The following TBC1D4 variants were observed in gnomAD, a reference collection of about 807,000 sequenced individuals.
TBC1D4 encodes the protein TBC (Tre-2, BUB2, CDC16) domain-containing protein.
In TBC1D4, 121 loss-of-function variants were observed where a neutral mutation model predicts 142.5. The observed-to-expected ratio is 0.85, with a 90% CI of 0.73 to 0.99. The LOEUF is 0.99. TBC1D4 is among the 50% of genes least tolerant of loss of function. The probability of loss-of-function intolerance (pLI) is 0.00; values close to 1 mark genes in which losing one functional copy is unlikely to be tolerated. For synonymous variants in TBC1D4, 630 were observed against 628.2 expected (o/e 1.00, Z -0.04); for missense variants, 1,475 against 1,606.6 (o/e 0.92, Z 1.40).
At chr13:75,300,774 C>A (rs1264715977) in intron 16 of TBC1D4, among the ~76,000 whole-genome samples, 1 of 152,140 alleles carries the variant, frequency 6.6e-6, no homozygotes, top group Non-Finnish European at 1.5e-5. Flanking sequence ...AATAGGACAT[C>A]GTGACTAACC....
intron 17 of TBC1D4, among the ~76,000 whole-genome samples, chr13:75,295,841 T>C (rs1485704884): frequency 6.6e-6 from 1 of 152,198 alleles, no homozygotes; most frequent in Non-Finnish European, 1.5e-5. Context: ...GGTTCCCTGA[T>C]CAGTTATATT....
At chr13:75,308,057 T>A (rs1219130877) in intron 14 of TBC1D4, among the ~76,000 whole-genome samples, 1 of 152,226 alleles carries the variant, frequency 6.6e-6, no homozygotes, top group Non-Finnish European at 1.5e-5. Context: ...CCGCACACCC[T>A]GAGGATAAAA....
At chr13:75,408,556 G>C (rs1200231734) in intron 1 of TBC1D4, among the ~76,000 whole-genome samples, 1 of 152,206 alleles carries the variant, frequency 6.6e-6, no homozygotes, top group Non-Finnish European at 1.5e-5. Context: ...TTTGTAGAGA[G>C]TTACGTTTTC....
At position 75,335,785 on chromosome 13, in the gene TBC1D4, G is replaced by A. The variant is rs556049436; in HGVS notation, c.1731+1136C>T. Among the ~76,000 whole-genome samples the A allele has an allele frequency of 4.0e-3, 612 of 152,226 alleles. 6 individuals are homozygous for A. Among genetic ancestry groups the A allele is most frequent in the South Asian group, 8.3e-3 (40 of 4,818 alleles). ...CCACCATGATTGGAAGCTTCCTGAG[G>A]TCTCTCCAGAAGCAGAAGCCACTAT... On this transcript the variant is annotated intron_variant, in intron 8 of 20. Coordinates refer to ENST00000377636, the MANE Select transcript of TBC1D4 (RefSeq NM_014832.5).
chr13:75,432,618 A>G (rs890739630), intron 1 of TBC1D4, among the ~76,000 whole-genome samples: 1 of 152,230 alleles, frequency 6.6e-6, no homozygotes, highest in African/African-American at 2.4e-5. Context: ...AGCAATTTAG[A>G]ATGTATAGTT....
chr13:75,360,664 C>T lies in TBC1D4; in HGVS notation c.1081-806G>A, dbSNP rs9600459. ...TGAGCTCAGAAAGCAAATCTGATGCCTTCATGATATGGAGCCACATTTGTG... is the reference window on the plus strand; with the variant it reads ...TGAGCTCAGAAAGCAAATCTGATGCTTTCATGATATGGAGCCACATTTGTG... On this transcript the variant is annotated intron_variant, in intron 2 of 20. Coordinates refer to ENST00000377636, the MANE Select transcript of TBC1D4 (RefSeq NM_014832.5). Among the ~76,000 whole-genome samples the T allele has an allele frequency of 6.3e-3, 958 of 152,184 alleles. 17 individuals carry two copies. The highest frequency in any genetic ancestry group is 0.021 in the African/African-American group (865 of 41,506).
At chr13:75,448,343 A>C (rs1181811288) in intron 1 of TBC1D4, among the ~76,000 whole-genome samples, 1 of 152,096 alleles carries the variant, frequency 6.6e-6, no homozygotes, top group East Asian at 1.9e-4. Context: ...CAAGGTGGGC[A>C]GATCACCTGA....
chr13:75,299,515 G>A lies in TBC1D4; in HGVS notation c.2971C>T (p.Leu991=), dbSNP rs1469720379. ...SVQLGPGQLS[L]FNLLKAYSLL... is the part of the protein sequence containing the mutation. ...GAATAGGCTTTCAGGAGGTTAAACAGTGACAGCTGTCCTGGCCCAAGCTGT... is the reference window on the plus strand; with the variant it reads ...GAATAGGCTTTCAGGAGGTTAAACAATGACAGCTGTCCTGGCCCAAGCTGT... Residue 991 remains leucine (L), a synonymous_variant, in exon 17 of 21, where the codon CTG becomes TTG. Transcript: ENST00000377636. 2 of 1,614,202 alleles carry A rather than the reference G, an allele frequency of 1.2e-6. No individual in the cohort carries two copies. The highest frequency in any genetic ancestry group is 1.7e-6 in the Non-Finnish European group (2 of 1,180,028).
At chr13:75,451,065 C>T (rs1887512278) in intron 1 of TBC1D4, among the ~76,000 whole-genome samples, 1 of 152,118 alleles carries the variant, frequency 6.6e-6, no homozygotes. Flanking sequence ...TTATTAGGTG[C>T]CTGCAAAATT....
chr13:75,425,934 C>T (rs557431199), intron 1 of TBC1D4, among the ~76,000 whole-genome samples: 9 of 152,074 alleles, frequency 5.9e-5, no homozygotes, highest in East Asian at 1.9e-4. Context: ...ATTATATACT[C>T]GAAGTCTTTG....
At chr13:75,350,398 A>C (rs897962846) in intron 4 of TBC1D4, among the ~76,000 whole-genome samples, 2 of 152,222 alleles carry the variant, frequency 1.3e-5, no homozygotes, top group Middle Eastern at 3.2e-3. Flanking sequence ...GAAAGAAGAG[A>C]TCAAACACCA....
chr13:75,309,313 G>C (rs1316750319), intron 14 of TBC1D4, among the ~76,000 whole-genome samples: 1 of 151,812 alleles, frequency 6.6e-6, no homozygotes, highest in East Asian at 1.9e-4. Context: ...TAGCAATAAG[G>C]CACCACAAAC....
chr13:75,466,745 C>T (rs971988003), intron 1 of TBC1D4, among the ~76,000 whole-genome samples: 12 of 152,084 alleles, frequency 7.9e-5, no homozygotes, highest in African/African-American at 2.9e-4. Context: ...GTGGTGCATG[C>T]CTGTAACCCA....
At chr13:75,469,837 T>C (rs1333281421) in intron 1 of TBC1D4, among the ~76,000 whole-genome samples, 1 of 152,158 alleles carries the variant, frequency 6.6e-6, no homozygotes, top group East Asian at 1.9e-4. Context: ...ATGATTGAAA[T>C]TGGTGAGTGA....
intron 1 of TBC1D4, among the ~76,000 whole-genome samples, chr13:75,385,359 G>C (rs546945618): frequency 1.3e-5 from 2 of 152,292 alleles, no homozygotes; most frequent in Admixed American, 1.3e-4. Flanking sequence ...ACTAACCAAT[G>C]AATAAGCAAG....
At position 75,324,259 on chromosome 13, in the gene TBC1D4, G is replaced by C. The variant is rs746752796; in HGVS notation, c.2176C>G (p.Pro726Ala). ...CACCTGATTTCATTTTCATACTGTG[G>C]GGACAGTCTACCTGAATTCTGGTAA... Reference protein sequence around the residue: ...SFYQNSGRLSPQYENEIRQDT... With the variant: ...SFYQNSGRLSAQYENEIRQDT... The change falls in exon 11 of 21, where the codon CCA becomes GCA. Residue 726 changes from proline (P) to alanine (A), a missense_variant. Transcript: ENST00000377636. The C allele has an allele frequency of 3.1e-6, 5 of 1,613,684 alleles. No individual in the cohort carries two copies. The South Asian group carries it at 3.3e-5, about 11-fold the overall frequency.
intron 1 of TBC1D4, among the ~76,000 whole-genome samples, chr13:75,379,308 C>T (rs900796830): frequency 6.6e-6 from 1 of 151,968 alleles, no homozygotes; most frequent in African/African-American, 2.4e-5. Context: ...TAAAAAAGTA[C>T]ATCTCTAGTG....
chr13:75,379,887 CTTTTTT>C (rs750734086), intron 1 of TBC1D4, among the ~76,000 whole-genome samples: 47 of 98,622 alleles, frequency 4.8e-4, no homozygotes, highest in African/African-American at 1.5e-3. Flanking sequence ...TCATCTGACT[CTTTTTT>C]TTTTTTTTTT....
intron 1 of TBC1D4, among the ~76,000 whole-genome samples, chr13:75,458,495 T>C (rs1229670696): frequency 2.0e-5 from 3 of 152,192 alleles, no homozygotes; most frequent in Non-Finnish European, 4.4e-5. Flanking sequence ...AAAACAGGAA[T>C]GCCTGTTCCC....
Sources: gnomAD v4.1 joint callset for allele counts (sites outside exome capture counted in the v4.1 genomes callset) on GRCh38, gnomAD v4.1.1 for gene constraint, MANE v1.5 for transcripts, NCBI Gene and HGNC (gene_info 2026-07-23, HGNC 2026-07-21) for gene names.